The following ABLIM2 variants were observed in gnomAD, a reference collection of about 807,000 sequenced individuals.
The protein encoded by ABLIM2 is actin binding LIM protein family member 2.
ABLIM2 carries 53 observed loss-of-function variants against 97.7 expected under a neutral mutation model. The ratio of observed to expected loss-of-function variants is 0.54; its 90% CI spans 0.44 to 0.68. The LOEUF (loss-of-function observed/expected upper bound fraction) is 0.68, where lower values mean the gene tolerates loss of function less well. Among genes scored for constraint, ABLIM2 ranks in the 30% least tolerant of loss-of-function variants. The probability of loss-of-function intolerance (pLI) is 0.00; values close to 1 mark genes in which losing one functional copy is unlikely to be tolerated. For missense variants in ABLIM2, 835 were observed against 867.2 expected, an observed-to-expected ratio of 0.96 and a Z score of 0.47; for synonymous variants, 361 against 345.8, an observed-to-expected ratio of 1.04 and a Z score of -0.49.
Position 8,019,736 on chromosome 4 carries a change from T to C in ABLIM2, c.1370-65A>G. 1 of 1,470,752 alleles carries C rather than the reference T, an allele frequency of 6.8e-7. No homozygotes were observed. The highest frequency in any genetic ancestry group is 9.5e-7 in the Non-Finnish European group (1 of 1,057,354). 91.1% of individuals were successfully genotyped at this position (1,470,752 alleles called of 1,614,324 possible). A position where few individuals can be genotyped will look rare whatever the true frequency, so the allele number is the denominator to read the frequency against. ...GTAAGCAGCAAGTTGTGATGGTTTC[T>C]GTTCTACAGCTTTTTGTAAGCAACA... On this transcript the variant is annotated intron_variant, in intron 13 of 20. Coordinates refer to ENST00000447017, the MANE Select transcript of ABLIM2 (RefSeq NM_001130083.2). This position sits in a 1 kb window ranked among gnomAD's most constrained non-coding sequence, Gnocchi z 4.3.
At chr4:8,116,681 A>G (rs924647830) in intron 1 of ABLIM2, among the ~76,000 whole-genome samples, 23 of 152,234 alleles carry the variant, frequency 1.5e-4, no homozygotes, top group Non-Finnish European at 1.2e-4. Flanking sequence ...TTGTTACTGA[A>G]TAGTTCTTAA....
At chr4:8,051,902 C>G (rs1262353101) in intron 8 of ABLIM2, among the ~76,000 whole-genome samples, 1 of 152,212 alleles carries the variant, frequency 6.6e-6, no homozygotes, top group South Asian at 2.1e-4. Context: ...AACCAATCGC[C>G]TAAGCCCTAT....
intron 10 of ABLIM2, among the ~76,000 whole-genome samples, chr4:8,031,454 T>G (rs1298422385): frequency 6.6e-6 from 1 of 152,164 alleles, no homozygotes; most frequent in Non-Finnish European, 1.5e-5. Context: ...AAGTCACCGG[T>G]ACATAGGAAT....
At chr4:7,993,898 G>A (rs1163296690) in intron 16 of ABLIM2, 1 of 508,796 alleles carries the variant, frequency 2.0e-6, no homozygotes, top group Non-Finnish European at 3.9e-6. Context: ...GGCCCTGGGT[G>A]GGCCTGGGAG....
At chr4:8,074,417 G>A (rs979524299) in intron 6 of ABLIM2, among the ~76,000 whole-genome samples, 7 of 152,046 alleles carry the variant, frequency 4.6e-5, no homozygotes, top group African/African-American at 1.4e-4. Context: ...TCATCACTGC[G>A]CTCCAGCCTG....
chr4:8,039,523 T>C (rs1042081731), intron 9 of ABLIM2, among the ~76,000 whole-genome samples: 46 of 152,296 alleles, frequency 3.0e-4, no homozygotes, highest in African/African-American at 1.1e-3. Flanking sequence ...CGGGCTGCAC[T>C]CTCTAATTGG....
intron 14 of ABLIM2, chr4:8,010,372 C>A (rs1764140479): frequency 1.0e-6 from 1 of 985,806 alleles, no homozygotes; most frequent in South Asian, 4.7e-5. Context: ...CGTCTCCGTC[C>A]CCAGCCCGCC....
At chr4:8,137,379 A>G (rs1287863594) in intron 1 of ABLIM2, among the ~76,000 whole-genome samples, 1 of 152,240 alleles carries the variant, frequency 6.6e-6, no homozygotes, top group Admixed American at 6.5e-5. Context: ...TCACAGGGAC[A>G]AAGACAGTGG....
chr4:8,007,674 A>C, intron 16 of ABLIM2: 2 of 1,026,040 alleles, frequency 1.9e-6, no homozygotes, highest in African/African-American at 3.4e-5. Flanking sequence ...ACCAACTCCA[A>C]GTCTGCACTC....
Position 8,009,117 on chromosome 4 carries a change from T to G in ABLIM2, c.1424-15A>C, listed in dbSNP as rs1294374505. The stretch of plus-strand genomic sequence containing the variant: ...TCGCCTGGCAGCTGGAAGGGAAAAA[T>G]CCATTTGTAAAGGCCACACACCATT... On this transcript the variant is annotated splice_polypyrimidine_tract_variant and intron_variant, in intron 14 of 20. Transcript: ENST00000447017. 4 of 1,613,854 alleles carry G rather than the reference T, an allele frequency of 2.5e-6. No homozygotes were observed. The highest frequency in any genetic ancestry group is 3.4e-6 in the Non-Finnish European group (4 of 1,179,888).
At chr4:8,052,923 G>C (rs1309762149) in intron 8 of ABLIM2, among the ~76,000 whole-genome samples, 1 of 152,190 alleles carries the variant, frequency 6.6e-6, no homozygotes, top group Admixed American at 6.5e-5. Flanking sequence ...CCACATTCGA[G>C]AGTAAGTGGG....
chr4:8,089,073 T>G (rs1825628052), intron 3 of ABLIM2, among the ~76,000 whole-genome samples: 1 of 152,236 alleles, frequency 6.6e-6, no homozygotes, highest in African/African-American at 2.4e-5. Flanking sequence ...AAGTATCGCA[T>G]TAAAATATCA....
rs1283736969 is a variant in ABLIM2 at position 8,112,365 on chromosome 4, T to G, written c.11-5728A>C. 1.3e-5 allele frequency among the ~76,000 whole-genome samples: 2 copies of G among 152,240 alleles called. No individual in the cohort carries two copies. The highest frequency in any genetic ancestry group is 3.9e-4 in the East Asian group (2 of 5,194). ...GATTTAACTCTGCAAAGCCTCAGTT[T>G]TCACATCTGTAAATCAGGGCTTGAT... On this transcript the variant is annotated intron_variant, in intron 1 of 20. Coordinates refer to ENST00000447017, the MANE Select transcript of ABLIM2 (RefSeq NM_001130083.2). This position sits in a 1 kb window ranked among gnomAD's most constrained non-coding sequence, Gnocchi z 4.2.
chr4:8,104,335 C>A (rs991576548), intron 2 of ABLIM2, among the ~76,000 whole-genome samples: 8 of 152,234 alleles, frequency 5.3e-5, no homozygotes, highest in African/African-American at 1.9e-4. Flanking sequence ...CCCAGAACTG[C>A]CATCCTGGGG....
intron 3 of ABLIM2, among the ~76,000 whole-genome samples, chr4:8,090,497 T>G (rs998368540): frequency 2.6e-5 from 4 of 152,154 alleles, no homozygotes; most frequent in African/African-American, 9.7e-5. Flanking sequence ...TTCCTCAACT[T>G]TATTGAGGTA....
At position 8,059,906 on chromosome 4, in the gene ABLIM2, C is replaced by CAA. The variant is rs201148410; in HGVS notation, c.763+1059_763+1060dup. ...TGGGCAACAGAGCAAGACTCTGTTT[C>CAA]AAAAAAAAAAAAAAAAAAAAACCCC... is the stretch of plus-strand genomic sequence containing the variant. On this transcript the variant is annotated intron_variant, in intron 7 of 20. Transcript: ENST00000447017. Among the ~76,000 whole-genome samples the CAA allele has an allele frequency of 5.6e-5, 7 of 124,092 alleles. 1 individual carries two copies. The highest frequency in any genetic ancestry group is 8.3e-5 in the Admixed American group (1 of 11,992). 81.4% of individuals were successfully genotyped at this position (124,092 alleles called of 152,430 possible).
At chr4:8,042,666 C>G (rs1048230667) in intron 9 of ABLIM2, among the ~76,000 whole-genome samples, 2 of 152,004 alleles carry the variant, frequency 1.3e-5, no homozygotes, top group Non-Finnish European at 2.9e-5. Flanking sequence ...ATGGAGAAAC[C>G]CCGTCTCTAC....
In ABLIM2 at chr4:8,150,124, T is replaced by C. The variant is rs1712134900; in HGVS notation, c.10+8556A>G. ...GGAACATCATGAGGGCATTTGAAAC[T>C]AGGCTGCCAGGTTGAAGGTCTGGAT... On this transcript the variant is annotated intron_variant, in intron 1 of 20. Coordinates refer to ENST00000447017, the MANE Select transcript of ABLIM2 (RefSeq NM_001130083.2). This position sits in a 1 kb window ranked among gnomAD's most constrained non-coding sequence, Gnocchi z 6.3. Among the ~76,000 whole-genome samples, 1 of 152,196 alleles carries C rather than the reference T, an allele frequency of 6.6e-6. No homozygotes were observed. Among genetic ancestry groups the C allele is most frequent in the African/African-American group, 2.4e-5 (1 of 41,460 alleles).
Position 8,022,846 on chromosome 4 carries a change from G to A in ABLIM2, c.1268-2543C>T, listed in dbSNP as rs920784543. On this transcript the variant is annotated intron_variant, in intron 12 of 20. Coordinates refer to ENST00000447017, the MANE Select transcript of ABLIM2 (RefSeq NM_001130083.2). The surrounding 1 kb of genome is among the most constrained non-coding windows in gnomAD (Gnocchi z 7.8). ...GGGATGCTTCAGCATCCTTTAACCT[G>A]GGATGCTGCCTGTTAGGAGAGGAGC... 6.6e-6 allele frequency: 1 copy of A among 152,442 alleles called. No homozygotes were observed. The highest frequency in any genetic ancestry group is 2.4e-5 in the African/African-American group (1 of 41,430). 9.4% of individuals were successfully genotyped at this position (152,442 alleles called of 1,614,324 possible). A position where few individuals can be genotyped will look rare whatever the true frequency, so the allele number is the denominator to read the frequency against.
Sources: allele counts gnomAD v4.1 joint callset (sites outside exome capture counted in the v4.1 genomes callset), GRCh38; gene constraint gnomAD v4.1.1; non-coding constraint Gnocchi (gnomAD v3.1); transcripts MANE v1.5; gene names NCBI Gene and HGNC (gene_info 2026-07-23, HGNC 2026-07-21).